KIF26B: variants seen among roughly 807,000 people sequenced by gnomAD.
KIF26B encodes kinesin family member 26B, also known as kinesin-like protein KIF26B.
In KIF26B, 63 loss-of-function variants were observed where a neutral mutation model predicts 151.2. The observed-to-expected ratio is 0.42, with a 90% CI of 0.34 to 0.51. The LOEUF is 0.51. Among genes scored for constraint, KIF26B ranks in the 20% least tolerant of loss-of-function variants. KIF26B has a pLI of 0.07. For missense variants in KIF26B, 2,813 were observed against 2,913.6 expected (o/e 0.97, Z 0.79); for synonymous variants, 1,357 against 1,262.1 (o/e 1.08, Z -1.59).
At chr1:245,609,922 G>A (rs992827573) in intron 8 of KIF26B, among the ~76,000 whole-genome samples, 4 of 152,168 alleles carry the variant, frequency 2.6e-5, no homozygotes, top group African/African-American at 7.2e-5. Context: ...TTCTGGCACT[G>A]GTTTACAGCC....
rs1168172493 is a variant in KIF26B at position 245,640,159 on chromosome 1, A to ATATATATATATG, written c.2099-5960_2099-5959insTATATATATGTA. On this transcript the variant is annotated intron_variant, in intron 9 of 14. Coordinates refer to ENST00000407071, the MANE Select transcript of KIF26B (RefSeq NM_018012.4). ...TCTCTCTCTCTATATATATATATAT[A>ATATATATATATG]TACCCTGCTATTTGGTTATATATAT... 2.4e-3 allele frequency among the ~76,000 whole-genome samples: 84 copies of ATATATATATATG among 34,378 alleles called. 5 individuals are homozygous for ATATATATATATG. Among genetic ancestry groups the ATATATATATATG allele is most frequent in the African/African-American group, 6.2e-3 (71 of 11,502 alleles). 22.6% of individuals were successfully genotyped at this position (34,378 alleles called of 152,430 possible).
At chr1:245,329,257 G>A (rs1236146429) in intron 2 of KIF26B, among the ~76,000 whole-genome samples, 3 of 152,200 alleles carry the variant, frequency 2.0e-5, no homozygotes, top group Non-Finnish European at 2.9e-5. Context: ...ATTGGGCTGC[G>A]TTCTAACTCG....
chr1:245,590,279 T>G (rs982039740), intron 5 of KIF26B, among the ~76,000 whole-genome samples: 1 of 151,794 alleles, frequency 6.6e-6, no homozygotes, highest in Non-Finnish European at 1.5e-5. Context: ...GTCCCTGGGG[T>G]CCCGGGTTTG....
In KIF26B at chr1:245,419,805, C is replaced by G; in HGVS notation, c.1166+60C>G. On this transcript the variant is annotated intron_variant, in intron 4 of 14. Coordinates refer to ENST00000407071, the MANE Select transcript of KIF26B (RefSeq NM_018012.4). ...ATGAGCCCAGCTGGTTAGCCCCTCA[C>G]GTGGACTAGCTCAGCTGAAACACTA... is the stretch of plus-strand genomic sequence containing the variant. 2.1e-6 allele frequency: 3 copies of G among 1,436,390 alleles called. No homozygotes were observed. The Admixed American group carries it at 6.1e-5, about 29-fold the overall frequency. The allele number at this position is 1,436,390 out of a possible 1,614,324, so 89.0% of individuals were successfully genotyped here. A position where few individuals can be genotyped will look rare whatever the true frequency, so the allele number is the denominator to read the frequency against.
In KIF26B at chr1:245,275,563, C is replaced by G. The variant is rs754649950; in HGVS notation, c.466-91271C>G. Among the ~76,000 whole-genome samples, 174 of 152,182 alleles carry G rather than the reference C, an allele frequency of 1.1e-3. 2 individuals carry two copies. Among genetic ancestry groups the G allele is most frequent in the Non-Finnish European group, 3.8e-4 (26 of 68,036 alleles). ...TCTGCATCTGGCTAGCCAGTTTTCC[C>G]AACACCATTTATTAAATAGGGAATC... On this transcript the variant is annotated intron_variant, in intron 2 of 14. Coordinates refer to ENST00000407071, the MANE Select transcript of KIF26B (RefSeq NM_018012.4).
chr1:245,155,399 A>C lies in KIF26B; in HGVS notation c.-26A>C. On this transcript the variant is annotated 5_prime_UTR_variant, in exon 1 of 15. Coordinates refer to ENST00000407071, the MANE Select transcript of KIF26B (RefSeq NM_018012.4). ...TGGATGTAGCGTCGGTGGAACCTTT[A>C]GATACTCTCCTCTGGAAAAGCCACC... The C allele has an allele frequency of 6.3e-7, 1 of 1,593,492 alleles. No homozygotes were observed. Among genetic ancestry groups the C allele is most frequent in the East Asian group, 2.3e-5 (1 of 44,312 alleles).
At chr1:245,247,280 A>G (rs1248047272) in intron 2 of KIF26B, among the ~76,000 whole-genome samples, 1 of 148,114 alleles carries the variant, frequency 6.8e-6, no homozygotes, top group Non-Finnish European at 1.5e-5. Context: ...GTGAAATCTC[A>G]TCTCTACTAA....
intron 12 of KIF26B, among the ~76,000 whole-genome samples, chr1:245,689,027 G>A (rs939503152): frequency 3.9e-5 from 6 of 152,126 alleles, no homozygotes; most frequent in East Asian, 3.9e-4. Flanking sequence ...CCGGCACCCC[G>A]CGGGGCTCCG....
chr1:245,432,697 G>A (rs538165), intron 4 of KIF26B, among the ~76,000 whole-genome samples: 133,549 of 152,222 alleles, frequency 0.88, 58,722 homozygotes, highest in East Asian at 1. Context: ...CTAAAGATGT[G>A]TGATATTATG....
At chr1:245,624,050 G>A (rs1003239415) in intron 9 of KIF26B, among the ~76,000 whole-genome samples, 4 of 152,090 alleles carry the variant, frequency 2.6e-5, no homozygotes, top group Non-Finnish European at 5.9e-5. Context: ...GTTTAAGAGT[G>A]TGTGGTACTC....
intron 2 of KIF26B, among the ~76,000 whole-genome samples, chr1:245,296,037 A>G (rs1671330487): frequency 6.6e-6 from 1 of 152,170 alleles, no homozygotes; most frequent in African/African-American, 2.4e-5. Flanking sequence ...CACATGACAG[A>G]CGTTCATTAG....
chr1:245,501,206 C>G (rs1572093991), intron 4 of KIF26B, among the ~76,000 whole-genome samples: 1 of 152,148 alleles, frequency 6.6e-6, no homozygotes, highest in South Asian at 2.1e-4. Flanking sequence ...CCACCTGGGT[C>G]CAGATCTTGG....
intron 2 of KIF26B, among the ~76,000 whole-genome samples, chr1:245,207,713 C>T (rs1669434285): frequency 6.6e-6 from 1 of 152,170 alleles, no homozygotes; most frequent in South Asian, 2.1e-4. Flanking sequence ...ACTTTTCCCT[C>T]CTCCGTGCTA....
chr1:245,629,864 T>C (rs1268732036), intron 9 of KIF26B, among the ~76,000 whole-genome samples: 1 of 150,882 alleles, frequency 6.6e-6, no homozygotes, highest in Non-Finnish European at 1.5e-5. Context: ...GGGTCTAATA[T>C]CCAGAATCTA....
rs553924558 is a variant in KIF26B, at chr1:245,413,616, T to C, written c.1000-5963T>C. ...AGGCGGAGGTTGCAGTGAGCCGAGA[T>C]TGCACCACTGCACTCCAGCCTGGGT... On this transcript the variant is annotated intron_variant, in intron 3 of 14. Coordinates refer to ENST00000407071, the MANE Select transcript of KIF26B (RefSeq NM_018012.4). Among the ~76,000 whole-genome samples the C allele has an allele frequency of 9.2e-5, 14 of 152,278 alleles. No individual in the cohort carries two copies. In the East Asian group the frequency reaches 2.7e-3, roughly 29 times the overall value.
At chr1:245,179,199 T>A (rs1237713355) in intron 2 of KIF26B, among the ~76,000 whole-genome samples, 1 of 152,202 alleles carries the variant, frequency 6.6e-6, no homozygotes, top group Non-Finnish European at 1.5e-5. Context: ...GCGTTTGAAA[T>A]TCTCCAGAGA....
In KIF26B at chr1:245,352,823, A is replaced by G. The variant is rs983116749; in HGVS notation, c.466-14011A>G. Reference sequence around the variant, plus strand: ...AGAACTATCTTAGTGGTTTCTTCCTAAAGAGATGTACACGTGTGTGTGTGT... The same window carrying G: ...AGAACTATCTTAGTGGTTTCTTCCTGAAGAGATGTACACGTGTGTGTGTGT... On this transcript the variant is annotated intron_variant, in intron 2 of 14. Coordinates refer to ENST00000407071, the MANE Select transcript of KIF26B (RefSeq NM_018012.4). This position sits in a 1 kb window ranked among gnomAD's most constrained non-coding sequence, Gnocchi z 5.0. 6.6e-6 allele frequency among the ~76,000 whole-genome samples: 1 copy of G among 151,094 alleles called. No homozygotes were observed. The highest frequency in any genetic ancestry group is 2.5e-5 in the African/African-American group (1 of 40,704).
At chr1:245,643,242 A>G (rs542397286) in intron 9 of KIF26B, among the ~76,000 whole-genome samples, 1 of 152,252 alleles carries the variant, frequency 6.6e-6, no homozygotes, top group Admixed American at 6.5e-5. Context: ...TTGGTTCAAA[A>G]TATTATTTTC....
intron 9 of KIF26B, among the ~76,000 whole-genome samples, chr1:245,628,856 C>A (rs1179041502): frequency 6.6e-6 from 1 of 152,160 alleles, no homozygotes; most frequent in African/African-American, 2.4e-5. Flanking sequence ...AAAACTATAT[C>A]ATTGGAGCCC....
Sources: allele counts gnomAD v4.1 joint callset (sites outside exome capture counted in the v4.1 genomes callset), GRCh38; gene constraint gnomAD v4.1.1; non-coding constraint Gnocchi (gnomAD v3.1); transcripts MANE v1.5; gene names NCBI Gene and HGNC (gene_info 2026-07-23, HGNC 2026-07-21).